TMEM178B: variants seen among roughly 807,000 people sequenced by gnomAD.
The protein encoded by TMEM178B is transmembrane protein 178B.
TMEM178B carries 5 observed loss-of-function variants against 31.0 expected under a neutral mutation model. The observed-to-expected ratio is 0.16, with a 90% confidence interval of 0.08 to 0.34. TMEM178B has a LOEUF of 0.34. Ranked by LOEUF, TMEM178B falls within the 10% of genes least tolerant of loss-of-function variation. The probability of loss-of-function intolerance (pLI) is 1.00; values close to 1 mark genes in which losing one functional copy is unlikely to be tolerated. For missense variants in TMEM178B, 275 were observed against 400.3 expected (o/e 0.69, Z 2.67); for synonymous variants, 164 against 164.0 (o/e 1.00, Z 0.00).
At chr7:141,225,518 A>G (rs1278984737) in intron 2 of TMEM178B, among the ~76,000 whole-genome samples, 1 of 152,192 alleles carries the variant, frequency 6.6e-6, no homozygotes, top group East Asian at 1.9e-4. Flanking sequence ...CTAGAAACCC[A>G]GTCATCATTT....
At chr7:141,413,155 T>A (rs1237272021) in intron 2 of TMEM178B, among the ~76,000 whole-genome samples, 1 of 152,212 alleles carries the variant, frequency 6.6e-6, no homozygotes, top group African/African-American at 2.4e-5. Flanking sequence ...GTAAAGCAAT[T>A]GTATGCCACC....
In TMEM178B at chr7:141,074,333, T is replaced by C; in HGVS notation, c.23T>C (p.Leu8Pro). MAAGRLL[L>P]YTGLSLALCA... Reference sequence around the variant, plus strand: ...GGCATGGCTGCCGGAAGGTTACTGCTCTACACTGGCCTCTCGCTAGCGCTC... The same window carrying C: ...GGCATGGCTGCCGGAAGGTTACTGCCCTACACTGGCCTCTCGCTAGCGCTC... Residue 8 changes from leucine to proline, a missense_variant, in exon 1 of 4, where the codon CTC (leucine) becomes CCC (proline). Leu to Pro is a moderately conservative substitution (Grantham distance 98, BLOSUM62 -3). Transcript: ENST00000565468. This position sits in a 1 kb window ranked among gnomAD's most constrained non-coding sequence, Gnocchi z 5.1. The C allele has an allele frequency of 2.6e-6, 4 of 1,535,568 alleles. No individual in the cohort carries two copies. The highest frequency in any genetic ancestry group is 3.5e-6 in the Non-Finnish European group (4 of 1,146,562).
At chr7:141,190,911 T>G (rs1367323607) in intron 1 of TMEM178B, among the ~76,000 whole-genome samples, 8 of 151,798 alleles carry the variant, frequency 5.3e-5, no homozygotes, top group Non-Finnish European at 1.2e-4. Flanking sequence ...CCTCTTTCCC[T>G]TTTTTTTACA....
the TMEM178B span, among the ~76,000 whole-genome samples, chr7:141,507,417 G>A: frequency 7.9e-5 from 12 of 152,128 alleles, no homozygotes; most frequent in Non-Finnish European, 1.5e-4. Context: ...TTGTTGCTCA[G>A]GCTGGAGGGC....
intron 2 of TMEM178B, among the ~76,000 whole-genome samples, chr7:141,402,964 C>T (rs904437828): frequency 3.9e-5 from 6 of 152,236 alleles, no homozygotes; most frequent in African/African-American, 9.6e-5. Flanking sequence ...TGCTATTTTC[C>T]GTAATCCTAT....
chr7:141,229,125 G>GTGTGTC (rs1797397491), intron 2 of TMEM178B, among the ~76,000 whole-genome samples: 2 of 147,360 alleles, frequency 1.4e-5, no homozygotes, highest in African/African-American at 2.5e-5. Flanking sequence ...GTGTGTGTGT[G>GTGTGTC]TGTGTGAAAC....
chr7:141,384,772 T>C (rs1800399753), intron 2 of TMEM178B, among the ~76,000 whole-genome samples: 1 of 152,122 alleles, frequency 6.6e-6, no homozygotes, highest in Non-Finnish European at 1.5e-5. Context: ...TGGTAGCTTT[T>C]ATTTTCAACA....
chr7:141,255,855 A>G (rs1455487200), intron 2 of TMEM178B, among the ~76,000 whole-genome samples: 2 of 152,240 alleles, frequency 1.3e-5, no homozygotes, highest in Non-Finnish European at 1.5e-5. Flanking sequence ...GCACCTGGCC[A>G]TTTGGGGCTT....
intron 1 of TMEM178B, among the ~76,000 whole-genome samples, chr7:141,116,539 T>C (rs1795321895): frequency 6.6e-6 from 1 of 152,092 alleles, no homozygotes; most frequent in African/African-American, 2.4e-5. Flanking sequence ...TTAAATACTT[T>C]AAGTTCTGGG....
the TMEM178B span, among the ~76,000 whole-genome samples, chr7:141,505,935 A>C: frequency 6.6e-6 from 1 of 152,218 alleles, no homozygotes; most frequent in Non-Finnish European, 1.5e-5. Flanking sequence ...TCAGCTTCCA[A>C]CACTCAGGCT....
intron 2 of TMEM178B, among the ~76,000 whole-genome samples, chr7:141,432,146 C>CT (rs71170797): frequency 1.0e-4 from 8 of 79,078 alleles, no homozygotes; most frequent in African/African-American, 2.0e-4. Flanking sequence ...TTCACTGCAT[C>CT]TTTTTTTTTT....
chr7:141,270,687 T>C (rs1798167844), intron 2 of TMEM178B, among the ~76,000 whole-genome samples: 1 of 152,208 alleles, frequency 6.6e-6, no homozygotes, highest in African/African-American at 2.4e-5. Flanking sequence ...CAAAGAAAGA[T>C]AAATTCTCTT....
At chr7:141,254,650 G>A (rs1044071130) in intron 2 of TMEM178B, among the ~76,000 whole-genome samples, 1 of 152,144 alleles carries the variant, frequency 6.6e-6, no homozygotes, top group Admixed American at 6.5e-5. Context: ...CCCGGGGGAG[G>A]GCAGAGGCTG....
At chr7:141,485,501 G>T in the TMEM178B span, among the ~76,000 whole-genome samples, 2 of 152,154 alleles carry the variant, frequency 1.3e-5, no homozygotes, top group Non-Finnish European at 2.9e-5. Context: ...TCAGCCACAT[G>T]CTTAAAACAC....
intron 1 of TMEM178B, among the ~76,000 whole-genome samples, chr7:141,208,451 T>C (rs145389578): frequency 1.3e-5 from 2 of 152,362 alleles, no homozygotes; most frequent in Non-Finnish European, 2.9e-5. Flanking sequence ...GGTGCCCAGA[T>C]GGTTCCTGTA....
At chr7:141,172,274 G>C (rs1796362106) in intron 1 of TMEM178B, among the ~76,000 whole-genome samples, 1 of 152,136 alleles carries the variant, frequency 6.6e-6, no homozygotes, top group Admixed American at 6.5e-5. Context: ...TTAGGCACTG[G>C]GTTCAAGAGT....
intron 1 of TMEM178B, among the ~76,000 whole-genome samples, chr7:141,190,167 C>T (rs955259867): frequency 6.6e-6 from 1 of 152,200 alleles, no homozygotes; most frequent in Non-Finnish European, 1.5e-5. Context: ...GTAGAAAATG[C>T]ACTTAATATA....
At chr7:141,114,573 C>G (rs1162147654) in intron 1 of TMEM178B, among the ~76,000 whole-genome samples, 1 of 152,230 alleles carries the variant, frequency 6.6e-6, no homozygotes, top group East Asian at 1.9e-4. Flanking sequence ...GTAAAATGCT[C>G]TCTCCTTCTG....
chr7:141,492,014 G>C, the TMEM178B span, among the ~76,000 whole-genome samples: 1 of 152,080 alleles, frequency 6.6e-6, no homozygotes, highest in Non-Finnish European at 1.5e-5. Context: ...CCACTCAATG[G>C]CCTGCTGTTG....
Sources: gnomAD v4.1 joint callset for allele counts (sites outside exome capture counted in the v4.1 genomes callset) on GRCh38, gnomAD v4.1.1 for gene constraint, Gnocchi (gnomAD v3.1) non-coding constraint, MANE v1.5 for transcripts, NCBI Gene and HGNC (gene_info 2026-07-23, HGNC 2026-07-21) for gene names.